The following ADAMTSL1 variants were observed in gnomAD, a reference collection of about 807,000 sequenced individuals.
ADAMTSL1 encodes the protein ADAMTS-like protein 1.
A neutral mutation model predicts 201.8 loss-of-function variants in ADAMTSL1; 126 were observed. The observed-to-expected ratio is 0.62, with a 90% CI of 0.54 to 0.72. ADAMTSL1 has a LOEUF of 0.72. Among genes scored for constraint, ADAMTSL1 ranks in the 30% least tolerant of loss-of-function variants. The pLI is 0.00. For synonymous variants in ADAMTSL1, 1,121 were observed against 903.4 expected (o/e 1.24, Z -4.32); for missense variants, 2,679 against 2,277.8 (o/e 1.18, Z -3.59).
intron 2 of ADAMTSL1, among the ~76,000 whole-genome samples, chr9:18,284,402 G>A (rs1419146566): frequency 6.6e-6 from 1 of 151,798 alleles, no homozygotes; most frequent in Non-Finnish European, 1.5e-5. Flanking sequence ...TCTACCATTA[G>A]AACTTTCCAT....
At chr9:18,221,314 C>A (rs72684924) in intron 2 of ADAMTSL1, among the ~76,000 whole-genome samples, 4,948 of 152,236 alleles carry the variant, frequency 0.033, 122 homozygotes, top group Non-Finnish European at 0.053. Flanking sequence ...CATTATGTTT[C>A]TTTAACATGA....
intron 2 of ADAMTSL1, among the ~76,000 whole-genome samples, chr9:18,392,076 G>A (rs755701848): frequency 1.9e-4 from 29 of 151,886 alleles, no homozygotes; most frequent in Middle Eastern, 3.4e-3. Context: ...CGCCCGCCTC[G>A]GCCTCCCAAA....
intron 2 of ADAMTSL1, among the ~76,000 whole-genome samples, chr9:18,349,598 C>A (rs1835874350): frequency 6.6e-6 from 1 of 152,100 alleles, no homozygotes; most frequent in South Asian, 2.1e-4. Context: ...AGAGAGGGTC[C>A]CTGCCTTAGT....
At chr9:18,203,880 G>T (rs1449107710) in intron 2 of ADAMTSL1, among the ~76,000 whole-genome samples, 1 of 152,124 alleles carries the variant, frequency 6.6e-6, no homozygotes, top group East Asian at 1.9e-4. Flanking sequence ...CTACATTTCA[G>T]TGTTGAAATG....
At position 17,989,031 on chromosome 9, in the gene ADAMTSL1, A is replaced by G. The variant is rs975194183; in HGVS notation, c.87+82109A>G. Among the ~76,000 whole-genome samples, 8 of 152,088 alleles carry G rather than the reference A, an allele frequency of 5.3e-5. No homozygotes were observed. The South Asian group carries it at 8.3e-4, about 16-fold the overall frequency. On this transcript the variant is annotated intron_variant, in intron 1 of 29. Coordinates refer to the ADAMTSL1 transcript ENST00000680146. The stretch of plus-strand genomic sequence containing the variant: ...CAAGAACCAATTTTCACCCTCTTGG[A>G]AAGTGATTATACCCTCCCACTGAAA...
chr9:18,377,444 G>A (rs994528703), intron 2 of ADAMTSL1, among the ~76,000 whole-genome samples: 3 of 152,160 alleles, frequency 2.0e-5, no homozygotes, highest in Non-Finnish European at 4.4e-5. Flanking sequence ...TTAAATCATT[G>A]TTTAACTTAA....
chr9:18,350,474 A>G (rs926682739), intron 2 of ADAMTSL1, among the ~76,000 whole-genome samples: 1 of 152,052 alleles, frequency 6.6e-6, no homozygotes, highest in South Asian at 2.1e-4. Flanking sequence ...GTGAAGGTGA[A>G]TTGGCTGCAT....
intron 3 of ADAMTSL1, among the ~76,000 whole-genome samples, chr9:18,533,700 G>A (rs909013777): frequency 3.3e-5 from 5 of 152,310 alleles, no homozygotes; most frequent in African/African-American, 1.2e-4. Context: ...AACTATGTGT[G>A]AGGCACTACA....
chr9:18,372,668 G>T (rs532504633), intron 2 of ADAMTSL1, among the ~76,000 whole-genome samples: 2 of 152,208 alleles, frequency 1.3e-5, no homozygotes, highest in African/African-American at 4.8e-5. Context: ...TAATCGCTAA[G>T]CTCTATCATC....
At chr9:18,040,946 T>TA (rs1821402446) in intron 1 of ADAMTSL1, among the ~76,000 whole-genome samples, 1 of 152,162 alleles carries the variant, frequency 6.6e-6, no homozygotes, top group Non-Finnish European at 1.5e-5. Context: ...CAATTGGTTT[T>TA]AAAAAATATA....
At chr9:18,066,192 C>T (rs1034515351) in intron 1 of ADAMTSL1, among the ~76,000 whole-genome samples, 2 of 151,850 alleles carry the variant, frequency 1.3e-5, no homozygotes, top group African/African-American at 2.4e-5. Context: ...TCCTAAGTAC[C>T]GTCAGTGATA....
At chr9:18,189,838 C>G (rs1017777780) in intron 2 of ADAMTSL1, among the ~76,000 whole-genome samples, 2 of 152,168 alleles carry the variant, frequency 1.3e-5, no homozygotes, top group African/African-American at 4.8e-5. Flanking sequence ...TTTAAACTCT[C>G]TGAGAACTAC....
intron 5 of ADAMTSL1, among the ~76,000 whole-genome samples, chr9:18,630,516 G>A (rs1001339291): frequency 6.6e-6 from 1 of 152,038 alleles, no homozygotes; most frequent in African/African-American, 2.4e-5. Context: ...TTGGACTCTT[G>A]GCTTTGTCTA....
chr9:18,524,891 T>C (rs896739826), intron 2 of ADAMTSL1, among the ~76,000 whole-genome samples: 2 of 152,146 alleles, frequency 1.3e-5, no homozygotes, highest in Non-Finnish European at 2.9e-5. Context: ...GGGATATTGG[T>C]CTAAAATTCT....
intron 11 of ADAMTSL1, 104 bp from the exon 12 acceptor site, chr9:18,681,708 G>GGC (rs373773662): frequency 2.7e-6 from 2 of 745,514 alleles, no homozygotes; most frequent in Admixed American, 3.4e-5. Flanking sequence ...GGGGGGGGGG[G>GGC]GCGGGGAAAA....
chr9:18,409,951 A>C (rs1255650392), intron 2 of ADAMTSL1, among the ~76,000 whole-genome samples: 2 of 151,444 alleles, frequency 1.3e-5, no homozygotes, highest in African/African-American at 4.8e-5. Context: ...TACAGCTAGG[A>C]TATACGTTAT....
chr9:17,938,775 A>C (rs897383940), intron 1 of ADAMTSL1, among the ~76,000 whole-genome samples: 1 of 152,130 alleles, frequency 6.6e-6, no homozygotes, highest in Non-Finnish European at 1.5e-5. Context: ...GTGACCATCC[A>C]AGAGCACATT....
At chr9:18,060,683 G>A (rs375084662) in intron 1 of ADAMTSL1, among the ~76,000 whole-genome samples, 1 of 152,068 alleles carries the variant, frequency 6.6e-6, no homozygotes, top group Admixed American at 6.6e-5. Flanking sequence ...TTTTAGTCAG[G>A]TTAACTACTA....
intron 4 of ADAMTSL1, among the ~76,000 whole-genome samples, chr9:18,592,830 A>G (rs1020594630): frequency 6.6e-6 from 1 of 152,190 alleles, no homozygotes; most frequent in African/African-American, 2.4e-5. Context: ...CATTTTAACA[A>G]TATTGATTCT....
Sources: gnomAD v4.1 joint callset for allele counts (sites outside exome capture counted in the v4.1 genomes callset) on GRCh38, gnomAD v4.1.1 for gene constraint, MANE v1.5 for transcripts, NCBI Gene and HGNC (gene_info 2026-07-23, HGNC 2026-07-21) for gene names.